The following NPAS3 variants were observed in gnomAD, a reference collection of about 807,000 sequenced individuals.
NPAS3 encodes neuronal PAS domain-containing protein 3.
Under a neutral mutation model 73.1 loss-of-function variants are expected in NPAS3, and 14 were observed. That is an observed-to-expected ratio of 0.19 (90% CI 0.13 to 0.30). The LOEUF is 0.30. Among genes scored for constraint, NPAS3 ranks in the 10% least tolerant of loss-of-function variants. The probability of loss-of-function intolerance (pLI) is 1.00; values close to 1 mark genes in which losing one functional copy is unlikely to be tolerated. For synonymous variants in NPAS3, 620 were observed against 541.5 expected (o/e 1.14, Z -2.01); for missense variants, 1,096 against 1,250.0 (o/e 0.88, Z 1.86).
chr14:33,350,639 C>G (rs193035165), intron 3 of NPAS3, among the ~76,000 whole-genome samples: 1 of 152,200 alleles, frequency 6.6e-6, no homozygotes, highest in Non-Finnish European at 1.5e-5. Context: ...CAACTACTAG[C>G]GGAGGCCTGA....
chr14:33,375,114 C>T (rs374801507), intron 4 of NPAS3, among the ~76,000 whole-genome samples: 58 of 151,998 alleles, frequency 3.8e-4, no homozygotes, highest in Non-Finnish European at 6.3e-4. Context: ...TCAGTGCTAA[C>T]GTAAAATAAG....
At chr14:33,419,981 A>C (rs1262179401) in intron 4 of NPAS3, among the ~76,000 whole-genome samples, 1 of 151,984 alleles carries the variant, frequency 6.6e-6, no homozygotes, top group African/African-American at 2.4e-5. Flanking sequence ...GTGAAAGCTT[A>C]ACTTTAAAAT....
At chr14:33,710,346 CT>C (rs1379840517) in intron 6 of NPAS3, among the ~76,000 whole-genome samples, 2 of 152,170 alleles carry the variant, frequency 1.3e-5, no homozygotes, top group Non-Finnish European at 2.9e-5. Context: ...GGACAAATAG[CT>C]TGAGGAATCA....
At chr14:33,494,833 A>C (rs913184382) in intron 4 of NPAS3, among the ~76,000 whole-genome samples, 1 of 152,096 alleles carries the variant, frequency 6.6e-6, no homozygotes, top group African/African-American at 2.4e-5. Flanking sequence ...CTGTAGCTTC[A>C]TGGTCAGAGT....
chr14:33,456,167 G>A (rs1366662313), intron 4 of NPAS3, among the ~76,000 whole-genome samples: 1 of 152,232 alleles, frequency 6.6e-6, no homozygotes, highest in Admixed American at 6.5e-5. Context: ...GAATGCATTA[G>A]CTACGAAGAT....
chr14:33,554,921 G>A (rs2055286098), intron 4 of NPAS3, among the ~76,000 whole-genome samples: 1 of 152,232 alleles, frequency 6.6e-6, no homozygotes, highest in Admixed American at 6.5e-5. Flanking sequence ...GACAAGTACT[G>A]TTAGAAGCAT....
intron 4 of NPAS3, among the ~76,000 whole-genome samples, chr14:33,415,346 G>A (rs2048103743): frequency 6.6e-6 from 1 of 151,948 alleles, no homozygotes; most frequent in Admixed American, 6.6e-5. Flanking sequence ...TAACTTAACT[G>A]TATCCTTGCC....
At chr14:33,670,682 A>T (rs2140312874) in intron 5 of NPAS3, among the ~76,000 whole-genome samples, 1 of 151,744 alleles carries the variant, frequency 6.6e-6, no homozygotes, top group South Asian at 2.1e-4. Context: ...CTTCCACCTG[A>T]TCCTGGCTCA....
At chr14:32,937,484 C>T (rs1415874625), upstream of NPAS3, among the ~76,000 whole-genome samples, 1 of 152,044 alleles carries the variant, frequency 6.6e-6, no homozygotes, top group Non-Finnish European at 1.5e-5. Context: ...TTTTTCCCTT[C>T]TCTGCCAGCC....
In NPAS3 at chr14:33,381,354, TGATTAGTTTCACTG is replaced by T. The variant is rs1340086855; in HGVS notation, c.468+14091_468+14104del. 1.6e-4 allele frequency among the ~76,000 whole-genome samples: 25 copies of T among 152,342 alleles called. No homozygotes were observed. In the East Asian group the frequency reaches 4.8e-3, roughly 29 times the overall value. ...GTTGGTACCTATTATCTCTGCTCAA[TGATTAGTTTCACTG>T]GATTCACAGCTAAGCTGTATTATTT... is the stretch of plus-strand genomic sequence containing the variant. On this transcript the variant is annotated intron_variant, in intron 4 of 11. Transcript: ENST00000356141.
chr14:33,120,011 T>C (rs2043183400), intron 2 of NPAS3, among the ~76,000 whole-genome samples: 1 of 131,072 alleles, frequency 7.6e-6, no homozygotes, highest in East Asian at 1.9e-4. Context: ...TCAGATACTT[T>C]GTTTTTTTTT....
intron 4 of NPAS3, among the ~76,000 whole-genome samples, chr14:33,415,060 C>G (rs1410569174): frequency 6.6e-6 from 1 of 152,068 alleles, no homozygotes; most frequent in African/African-American, 2.4e-5. Context: ...ATTTTTCAAC[C>G]AATATGCATA....
At chr14:33,306,258 C>T (rs1363493810) in intron 3 of NPAS3, among the ~76,000 whole-genome samples, 1 of 152,164 alleles carries the variant, frequency 6.6e-6, no homozygotes, top group Non-Finnish European at 1.5e-5. Context: ...AATCTTCAGA[C>T]ACTTCAGAAG....
chr14:33,451,578 G>C (rs1444175402), intron 4 of NPAS3, among the ~76,000 whole-genome samples: 1 of 152,104 alleles, frequency 6.6e-6, no homozygotes, highest in East Asian at 1.9e-4. Context: ...CACTTTATAA[G>C]TTTTAAAATG....
intron 1 of NPAS3, among the ~76,000 whole-genome samples, chr14:33,000,369 A>G (rs1330352239): frequency 6.6e-6 from 1 of 152,178 alleles, no homozygotes; most frequent in Non-Finnish European, 1.5e-5. Flanking sequence ...GTGTTTCTCC[A>G]TACTGCATTA....
intron 8 of NPAS3, among the ~76,000 whole-genome samples, chr14:33,777,920 C>T (rs1566530464): frequency 6.6e-6 from 1 of 152,180 alleles, no homozygotes; most frequent in African/African-American, 2.4e-5. Context: ...ATGACTAAGA[C>T]TAAAAAAGAT....
chr14:33,785,263 A>G (rs1213879798), intron 9 of NPAS3, among the ~76,000 whole-genome samples: 1 of 151,332 alleles, frequency 6.6e-6, no homozygotes, highest in Non-Finnish European at 1.5e-5. Context: ...GTGAAACCCC[A>G]TCTCTACTAA....
At chr14:33,138,614 T>C (rs1225704925) in intron 2 of NPAS3, among the ~76,000 whole-genome samples, 7 of 152,172 alleles carry the variant, frequency 4.6e-5, no homozygotes, top group African/African-American at 1.2e-4. Context: ...TGTTTATGTA[T>C]AAATAGAGTC....
chr14:33,491,243 GTTT>G, intron 4 of NPAS3, among the ~76,000 whole-genome samples: 1 of 147,308 alleles, frequency 6.8e-6, no homozygotes, highest in East Asian at 2.0e-4. Context: ...AACATTTAAA[GTTT>G]TTTTTTTTTC....
Sources: allele counts gnomAD v4.1 joint callset (sites outside exome capture counted in the v4.1 genomes callset), GRCh38; gene constraint gnomAD v4.1.1; transcripts MANE v1.5; gene names NCBI Gene and HGNC (gene_info 2026-07-23, HGNC 2026-07-21).